The following C8orf34 variants were observed in gnomAD, a reference collection of about 807,000 sequenced individuals.
C8orf34 encodes the protein chromosome 8 open reading frame 34.
C8orf34 carries 65 observed loss-of-function variants against 68.3 expected under a neutral mutation model. That is an observed-to-expected ratio of 0.95 (90% confidence interval 0.78 to 1.17). The LOEUF is 1.17. Ranked by LOEUF, C8orf34 falls within the 50% of genes most tolerant of loss-of-function variation. The pLI is 0.00. For missense variants in C8orf34, 664 were observed against 655.4 expected (o/e 1.01, Z -0.14); for synonymous variants, 244 against 241.2 (o/e 1.01, Z -0.11).
At chr8:68,414,688 T>G (rs1027339125) in intron 1 of C8orf34, among the ~76,000 whole-genome samples, 1 of 152,152 alleles carries the variant, frequency 6.6e-6, no homozygotes, top group Non-Finnish European at 1.5e-5. Context: ...GAGGGTTGTC[T>G]AGAATTATTC....
At chr8:68,617,980 G>A (rs559288138) in intron 7 of C8orf34, among the ~76,000 whole-genome samples, 6 of 152,034 alleles carry the variant, frequency 3.9e-5, no homozygotes, top group African/African-American at 1.4e-4. Flanking sequence ...GGCTTTGTTC[G>A]TTTCTTTTTA....
Position 68,493,162 on chromosome 8 carries a change from G to T in C8orf34, c.765+5111G>T, listed in dbSNP as rs7822531. On this transcript the variant is annotated intron_variant, in intron 5 of 13. Transcript: ENST00000518698. The stretch of plus-strand genomic sequence containing the variant: ...CTGAAAAAGATGCTGTATAATGTAG[G>T]CATTGATACCCTCAAAATATCATTA... 8.4e-3 allele frequency among the ~76,000 whole-genome samples: 1,283 copies of T among 152,234 alleles called. 25 individuals are homozygous for T. Among genetic ancestry groups the T allele is most frequent in the African/African-American group, 0.029 (1,221 of 41,544 alleles).
intron 10 of C8orf34, among the ~76,000 whole-genome samples, chr8:68,745,150 G>A (rs1433782450): frequency 6.6e-6 from 1 of 151,986 alleles, no homozygotes; most frequent in Non-Finnish European, 1.5e-5. Context: ...CATAAGTGAA[G>A]GAGAAATAAA....
chr8:68,810,867 AG>A, intron 12 of C8orf34, among the ~76,000 whole-genome samples: 1 of 152,224 alleles, frequency 6.6e-6, no homozygotes, highest in South Asian at 2.1e-4. Context: ...TTCAGAAGGG[AG>A]GAAGTGTGTA....
intron 10 of C8orf34, 77 bp from the exon 11 acceptor site, chr8:68,776,322 C>G: frequency 1.9e-6 from 2 of 1,080,028 alleles, no homozygotes; most frequent in Non-Finnish European, 2.8e-6. Context: ...GCTCTCAGAT[C>G]CCACTCTCCA....
At chr8:68,573,539 A>G (rs1444243476) in intron 7 of C8orf34, among the ~76,000 whole-genome samples, 1 of 152,064 alleles carries the variant, frequency 6.6e-6, no homozygotes, top group East Asian at 1.9e-4. Flanking sequence ...TACTAATAAG[A>G]TTTTGCGGTT....
At chr8:68,717,472 G>A (rs1821508397) in intron 9 of C8orf34, among the ~76,000 whole-genome samples, 1 of 147,074 alleles carries the variant, frequency 6.8e-6, no homozygotes, top group Admixed American at 6.8e-5. Context: ...CAGCCTGGGC[G>A]ACAGAGCGAG....
intron 12 of C8orf34, among the ~76,000 whole-genome samples, chr8:68,802,094 ATTTC>A (rs757303356): frequency 6.6e-6 from 1 of 152,002 alleles, no homozygotes; most frequent in Non-Finnish European, 1.5e-5. Context: ...CTGTAAGATA[ATTTC>A]TTTATTTTTT....
intron 1 of C8orf34, among the ~76,000 whole-genome samples, chr8:68,380,911 A>G (rs374994644): frequency 1.3e-5 from 2 of 152,338 alleles, no homozygotes; most frequent in African/African-American, 4.8e-5. Context: ...TTATGCCCTG[A>G]GGCTTTATTC....
intron 8 of C8orf34, among the ~76,000 whole-genome samples, chr8:68,675,198 C>A: frequency 6.6e-6 from 1 of 150,898 alleles, no homozygotes; most frequent in African/African-American, 2.4e-5. Context: ...ATAAACAAAA[C>A]AAACAAACAA....
chr8:68,491,282 T>C (rs1813302129), intron 5 of C8orf34, among the ~76,000 whole-genome samples: 1 of 152,136 alleles, frequency 6.6e-6, no homozygotes, highest in African/African-American at 2.4e-5. Context: ...TCAATTCCTT[T>C]GTCACTAACG....
intron 12 of C8orf34, among the ~76,000 whole-genome samples, chr8:68,814,020 C>CAATT (rs1331195722): frequency 6.6e-6 from 1 of 152,190 alleles, no homozygotes; most frequent in African/African-American, 2.4e-5. Context: ...CCTTCCCTTA[C>CAATT]AATTCCTCAT....
Position 68,783,139 on chromosome 8 carries a change from A to C in C8orf34, c.1456-4304A>C, listed in dbSNP as rs959511560. On this transcript the variant is annotated intron_variant, in intron 11 of 13. Transcript: ENST00000518698. ...GTTTTGCTTTCTTTTGTAAAAGGAA[A>C]ACGTGAGGGCCCCAAAATTACTAAC... 2.6e-5 allele frequency among the ~76,000 whole-genome samples: 4 copies of C among 152,198 alleles called. No homozygotes were observed. The East Asian group carries it at 7.7e-4, about 29-fold the overall frequency.
chr8:68,493,943 C>G (rs1813416455), intron 5 of C8orf34, among the ~76,000 whole-genome samples: 1 of 152,116 alleles, frequency 6.6e-6, no homozygotes, highest in African/African-American at 2.4e-5. Flanking sequence ...TATACATGAC[C>G]TAGTTCAAGT....
chr8:68,439,707 T>A (rs115340871), intron 2 of C8orf34, 61 bp downstream of exon 2: 1 of 1,487,704 alleles, frequency 6.7e-7, no homozygotes, highest in Non-Finnish European at 9.2e-7. Flanking sequence ...ATTTCAAAAC[T>A]CTTTTTGATA....
chr8:68,668,471 G>C (rs1214575628), intron 8 of C8orf34, among the ~76,000 whole-genome samples: 1 of 152,152 alleles, frequency 6.6e-6, no homozygotes, highest in East Asian at 1.9e-4. Flanking sequence ...TGGGACAACT[G>C]ACATGGTAGA....
chr8:68,372,454 G>C (rs1216888905), intron 1 of C8orf34, among the ~76,000 whole-genome samples: 1 of 152,114 alleles, frequency 6.6e-6, no homozygotes, highest in East Asian at 1.9e-4. Flanking sequence ...GACTTGTAAT[G>C]AGAATGGTTC....
intron 8 of C8orf34, among the ~76,000 whole-genome samples, chr8:68,701,944 C>A (rs187636893): frequency 2.0e-5 from 3 of 152,116 alleles, no homozygotes; most frequent in Admixed American, 2.0e-4. Context: ...TTTAGGCTCA[C>A]AGATCACCTT....
At chr8:68,408,014 G>A (rs554017643) in intron 1 of C8orf34, among the ~76,000 whole-genome samples, 3 of 151,984 alleles carry the variant, frequency 2.0e-5, no homozygotes, top group Non-Finnish European at 2.9e-5. Context: ...GTTAGGAACC[G>A]GGCTGCACAG....
Sources: allele counts gnomAD v4.1 joint callset (sites outside exome capture counted in the v4.1 genomes callset), GRCh38; gene constraint gnomAD v4.1.1; transcripts MANE v1.5; gene names NCBI Gene and HGNC (gene_info 2026-07-23, HGNC 2026-07-21).